The following CLIP2 variants were observed in gnomAD, a reference collection of about 807,000 sequenced individuals.
The protein encoded by CLIP2 is CAP-Gly domain containing linker protein 2, also known as CAP-Gly domain-containing linker protein 2.
In CLIP2, 41 loss-of-function variants were observed where a neutral mutation model predicts 111.7. The ratio of observed to expected loss-of-function variants is 0.37; its 90% confidence interval spans 0.29 to 0.48. CLIP2 has a LOEUF of 0.48. Ranked by LOEUF, CLIP2 falls within the 20% of genes least tolerant of loss-of-function variation. The probability of loss-of-function intolerance (pLI) is 0.99; values close to 1 mark genes in which losing one functional copy is unlikely to be tolerated. For missense variants in CLIP2, 1,160 were observed against 1,422.1 expected, an observed-to-expected ratio of 0.82 and a Z score of 2.96; for synonymous variants, 660 against 644.2, an observed-to-expected ratio of 1.02 and a Z score of -0.37.
At position 74,331,205 on chromosome 7, in the gene CLIP2, C is replaced by CAA. The variant is rs58844348; in HGVS notation, c.122-7214_122-7213dup. 4.2e-3 allele frequency among the ~76,000 whole-genome samples: 254 copies of CAA among 59,948 alleles called. 10 individuals carry two copies. The highest frequency in any genetic ancestry group is 0.017 in the African/African-American group (217 of 12,944). 39.3% of individuals were successfully genotyped at this position (59,948 alleles called of 152,430 possible). On this transcript the variant is annotated intron_variant, in intron 2 of 16. Coordinates refer to ENST00000223398, the MANE Select transcript of CLIP2 (RefSeq NM_003388.5). ...TGAGCGACAGAGTGAGACTCCATCTCAAAAAAAAAAAAAAAAAAAAAAAAA... is the reference window on the plus strand; with the variant it reads ...TGAGCGACAGAGTGAGACTCCATCTCAAAAAAAAAAAAAAAAAAAAAAAAAAA...
rs76951592 is a variant in CLIP2 at position 74,367,640 on chromosome 7, A to T, written c.1380+3325A>T. Among the ~76,000 whole-genome samples the T allele has an allele frequency of 7.3e-3, 1,112 of 152,232 alleles. 19 individuals are homozygous for T. Among genetic ancestry groups the T allele is most frequent in the African/African-American group, 0.025 (1,036 of 41,544 alleles). ...CATGCCTGGCTAAGGTCACATTCTG[A>T]GGTTCTGAGTGGGCATGAAATTTAA... is the stretch of plus-strand genomic sequence containing the variant. On this transcript the variant is annotated intron_variant, in intron 8 of 16. Transcript: ENST00000223398.
chr7:74,292,524 C>G (rs1397373421), intron 1 of CLIP2, among the ~76,000 whole-genome samples: 1 of 152,006 alleles, frequency 6.6e-6, no homozygotes, highest in Non-Finnish European at 1.5e-5. Flanking sequence ...ATAGCTGGGA[C>G]TACAGGCCCA....
chr7:74,371,993 C>A (rs1301384410), intron 8 of CLIP2, among the ~76,000 whole-genome samples: 1 of 152,074 alleles, frequency 6.6e-6, no homozygotes, highest in African/African-American at 2.4e-5. Flanking sequence ...TTCAGAACTG[C>A]CCTGCAGCTG....
intron 2 of CLIP2, among the ~76,000 whole-genome samples, chr7:74,337,088 A>G (rs1789495301): frequency 6.6e-6 from 1 of 151,788 alleles, no homozygotes; most frequent in Non-Finnish European, 1.5e-5. Flanking sequence ...GGGTTTCACC[A>G]TGTGGGCCAG....
intron 6 of CLIP2, among the ~76,000 whole-genome samples, chr7:74,359,585 G>C (rs1469572414): frequency 1.3e-5 from 2 of 151,714 alleles, no homozygotes; most frequent in African/African-American, 4.8e-5. Flanking sequence ...TCAATCTCCT[G>C]ACCTTGTGAT....
At chr7:74,375,851 C>T (rs1790759671) in intron 9 of CLIP2, 36 bp from the exon 10 acceptor site, 2 of 1,462,842 alleles carry the variant, frequency 1.4e-6, no homozygotes, top group African/African-American at 1.4e-5. Context: ...GCCAGCCAGC[C>T]AGCCCGCTGA....
intron 1 of CLIP2, among the ~76,000 whole-genome samples, chr7:74,308,853 G>A (rs1788564181): frequency 6.6e-6 from 1 of 151,608 alleles, no homozygotes; most frequent in Admixed American, 6.6e-5. Flanking sequence ...CACCATGCCC[G>A]GCCCTTTTTA....
In CLIP2 at chr7:74,338,562, T is replaced by G; in HGVS notation, c.236T>G (p.Phe79Cys). Residue 79 changes from phenylalanine to cysteine, a missense_variant, in exon 3 of 17, where the codon TTT (phenylalanine) becomes TGT (cysteine). Phe to Cys is a radical substitution (Grantham distance 205, BLOSUM62 -2). Around this residue, in one of 5 missense-constraint regions of CLIP2, gnomAD observed 301 missense variants for 315.2 expected, o/e 0.96. Coordinates refer to ENST00000223398, the MANE Select transcript of CLIP2 (RefSeq NM_003388.5). The surrounding 1 kb of genome is among the most constrained non-coding windows in gnomAD (Gnocchi z 4.3). Reference sequence around the variant, plus strand: ...GTGGGGGATGACTTCCTGGGGGACTTTGTGGTGGGCGAGCGGGTGTGGGTG... The same window carrying G: ...GTGGGGGATGACTTCCTGGGGGACTGTGTGGTGGGCGAGCGGGTGTGGGTG... ...AEVGDDFLGD[F>C]VVGERVWVNG... 3 of 1,586,684 alleles carry G rather than the reference T, an allele frequency of 1.9e-6. No individual in the cohort carries two copies. The highest frequency in any genetic ancestry group is 2.6e-6 in the Non-Finnish European group (3 of 1,168,094).
At chr7:74,319,824 AAG>A (rs10550439) in intron 2 of CLIP2, among the ~76,000 whole-genome samples, 90,716 of 149,118 alleles carry the variant, frequency 0.61, 29,515 homozygotes, top group Middle Eastern at 0.74. Context: ...CTAAAAAAAA[AAG>A]AGAGAGAGAA....
intron 2 of CLIP2, among the ~76,000 whole-genome samples, chr7:74,335,955 G>A (rs1789441579): frequency 6.7e-6 from 1 of 148,880 alleles, no homozygotes; most frequent in Non-Finnish European, 1.5e-5. Context: ...TGTTAGCCAG[G>A]TTGGTCTCAA....
At chr7:74,324,880 G>A (rs897824632) in intron 2 of CLIP2, among the ~76,000 whole-genome samples, 140 of 151,100 alleles carry the variant, frequency 9.3e-4, no homozygotes, top group African/African-American at 3.3e-3. Context: ...AGGGAAGGAC[G>A]GTCCCCCCAG....
rs781995454 is a variant in CLIP2 at position 74,338,956 on chromosome 7, C to T, written c.630C>T (p.Gly210=). 5 of 1,599,566 alleles carry T rather than the reference C, an allele frequency of 3.1e-6. No homozygotes were observed. The Admixed American group carries it at 8.3e-5, about 27-fold the overall frequency. The change falls in exon 3 of 17, where the codon GGC becomes GGT. Residue 210 remains glycine (G), a synonymous_variant. Coordinates refer to ENST00000223398, the MANE Select transcript of CLIP2 (RefSeq NM_003388.5). The surrounding 1 kb of genome is among the most constrained non-coding windows in gnomAD (Gnocchi z 4.3). The stretch of plus-strand genomic sequence containing the variant: ...CGGGATCCAACCTCTCAGACAGCGG[C>T]TCTGTGAAGCGGGGCGAAAAGGACC... ...NESGSNLSDS[G]SVKRGEKDLR...
intron 1 of CLIP2, among the ~76,000 whole-genome samples, chr7:74,311,929 A>AAAG (rs1292887349): frequency 1.4e-5 from 2 of 138,156 alleles, no homozygotes; most frequent in African/African-American, 5.0e-5. Context: ...AAAAAAAAAA[A>AAAG]AAAGAAAGAA....
At chr7:74,394,557 T>G (rs1554316396) in intron 13 of CLIP2, among the ~76,000 whole-genome samples, 1 of 152,230 alleles carries the variant, frequency 6.6e-6, no homozygotes, top group Non-Finnish European at 1.5e-5. Flanking sequence ...GCCCAGCATT[T>G]GCATTTCAAC....
chr7:74,332,704 C>T (rs1554731520), intron 2 of CLIP2, among the ~76,000 whole-genome samples: 1 of 152,144 alleles, frequency 6.6e-6, no homozygotes, highest in African/African-American at 2.4e-5. Context: ...AATACCCACA[C>T]CCACATCATT....
intron 1 of CLIP2, among the ~76,000 whole-genome samples, chr7:74,306,206 G>A (rs1359615487): frequency 1.3e-5 from 2 of 152,126 alleles, no homozygotes; most frequent in Non-Finnish European, 2.9e-5. Context: ...TGTGCCTGGT[G>A]CCCTAGGGCT....
intron 1 of CLIP2, among the ~76,000 whole-genome samples, chr7:74,312,897 A>G (rs1240482600): frequency 1.3e-5 from 2 of 152,150 alleles, no homozygotes; most frequent in Non-Finnish European, 2.9e-5. Flanking sequence ...CAGGACAGGT[A>G]GTAGCATTGC....
intron 1 of CLIP2, among the ~76,000 whole-genome samples, chr7:74,315,222 G>C (rs1788738058): frequency 6.6e-6 from 1 of 152,146 alleles, no homozygotes; most frequent in Non-Finnish European, 1.5e-5. Flanking sequence ...GTTGCAGTGA[G>C]CCGAGATGCT....
intron 8 of CLIP2, among the ~76,000 whole-genome samples, chr7:74,367,700 T>C (rs999990042): frequency 2.0e-5 from 3 of 152,140 alleles, no homozygotes; most frequent in Non-Finnish European, 4.4e-5. Context: ...ACAGCCCAAA[T>C]TGAACATGTC....
Sources: allele counts gnomAD v4.1 joint callset (sites outside exome capture counted in the v4.1 genomes callset), GRCh38; gene constraint gnomAD v4.1.1; regional missense constraint gnomAD v4.1.1; non-coding constraint Gnocchi (gnomAD v3.1); transcripts MANE v1.5; gene names NCBI Gene and HGNC (gene_info 2026-07-23, HGNC 2026-07-21).